The following GNG7 variants were observed in gnomAD, a reference collection of about 807,000 sequenced individuals.
GNG7 encodes guanine nucleotide-binding protein G(I)/G(S)/G(O) subunit gamma-7.
In GNG7, 1 loss-of-function variant was observed where a neutral mutation model predicts 4.0. The ratio of observed to expected loss-of-function variants is 0.25; its 90% CI spans 0.09 to 1.18. The LOEUF (loss-of-function observed/expected upper bound fraction) is 1.18, where lower values mean the gene tolerates loss of function less well. GNG7 is among the 50% of genes most tolerant of loss of function. GNG7 has a pLI of 0.50. For missense variants in GNG7, 86 were observed against 91.9 expected, an observed-to-expected ratio of 0.94 and a Z score of 0.26; for synonymous variants, 34 against 36.9, an observed-to-expected ratio of 0.92 and a Z score of 0.29.
chr19:2,589,360 C>G (rs1436118617), intron 2 of GNG7, among the ~76,000 whole-genome samples: 1 of 140,534 alleles, frequency 7.1e-6, no homozygotes, highest in African/African-American at 2.6e-5. Context: ...GTAGCTGGGA[C>G]TACAGGTGCA....
intron 2 of GNG7, among the ~76,000 whole-genome samples, chr19:2,645,550 T>C (rs571521103): frequency 6.8e-6 from 1 of 146,388 alleles, no homozygotes; most frequent in South Asian, 2.1e-4. Context: ...AAACCCTAAC[T>C]CTTAAAAAAA....
Position 2,618,569 on chromosome 19 carries a change from G to A in GNG7, c.-78+27655C>T, listed in dbSNP as rs572292466. 2.4e-4 allele frequency among the ~76,000 whole-genome samples: 37 copies of A among 151,678 alleles called. No homozygotes were observed. Among genetic ancestry groups the A allele is most frequent in the Middle Eastern group, 3.4e-3 (1 of 294 alleles). ...TCGCCATGTTGTCCAGGCTGGTCTC[G>A]AACTCCTGACCTCAAATGATCCACC... is the stretch of plus-strand genomic sequence containing the variant. On this transcript the variant is annotated intron_variant, in intron 2 of 4. Coordinates refer to ENST00000382159, the MANE Select transcript of GNG7 (RefSeq NM_052847.3). This position sits in a 1 kb window ranked among gnomAD's most constrained non-coding sequence, Gnocchi z 5.1.
rs1343217684 is a variant in GNG7 at position 2,553,933 on chromosome 19, T to C, written c.-38+1216A>G. 7.3e-5 allele frequency among the ~76,000 whole-genome samples: 10 copies of C among 136,586 alleles called. No individual in the cohort carries two copies. In the East Asian group the frequency reaches 7.9e-4, roughly 11 times the overall value. 89.6% of individuals were successfully genotyped at this position (136,586 alleles called of 152,430 possible). ...TGTGCATATTGCATGTAATATATTG[T>C]ATGTAATATATTATATGTAATATAT... On this transcript the variant is annotated intron_variant, in intron 3 of 4. Transcript: ENST00000382159.
Position 2,623,911 on chromosome 19 carries a change from C to T in GNG7, c.-78+22313G>A, listed in dbSNP as rs143294862. Among the ~76,000 whole-genome samples, 996 of 152,180 alleles carry T rather than the reference C, an allele frequency of 6.5e-3. 14 individuals are homozygous for T. Among genetic ancestry groups the T allele is most frequent in the African/African-American group, 0.023 (938 of 41,514 alleles). ...AAAGGACAAATCTTGTGTGACTGCA[C>T]GCCTAGGAGGTCCCTAGAGCCGTCA... On this transcript the variant is annotated intron_variant, in intron 2 of 4. Transcript: ENST00000382159.
At chr19:2,591,215 G>C (rs958916306) in intron 2 of GNG7, among the ~76,000 whole-genome samples, 2 of 152,150 alleles carry the variant, frequency 1.3e-5, no homozygotes. Flanking sequence ...CTGGAAGGCT[G>C]TGTCAACCGA....
chr19:2,624,425 G>A (rs958784230), intron 2 of GNG7, among the ~76,000 whole-genome samples: 2 of 151,420 alleles, frequency 1.3e-5, no homozygotes, highest in African/African-American at 4.9e-5. Context: ...CAGCTACTCC[G>A]GAGGCTGAGG....
At chr19:2,571,176 C>T (rs1406983268) in intron 2 of GNG7, among the ~76,000 whole-genome samples, 1 of 152,074 alleles carries the variant, frequency 6.6e-6, no homozygotes, top group Non-Finnish European at 1.5e-5. Flanking sequence ...GGACTGTCAC[C>T]GATGGAAGCC....
chr19:2,701,802 A>G (rs1441425853), intron 1 of GNG7, among the ~76,000 whole-genome samples: 1 of 149,902 alleles, frequency 6.7e-6, no homozygotes, highest in Non-Finnish European at 1.5e-5. Context: ...CCCCGCTCCA[A>G]TTAACCTCAA....
Position 2,514,843 on chromosome 19 carries a change from C to T in GNG7, c.*179G>A, listed in dbSNP as rs893701293. 3.5e-6 allele frequency: 2 copies of T among 567,104 alleles called. No individual in the cohort carries two copies. Among genetic ancestry groups the T allele is most frequent in the South Asian group, 2.1e-5 (1 of 48,726 alleles). 35.1% of individuals were successfully genotyped at this position (567,104 alleles called of 1,614,324 possible). A position where few individuals can be genotyped will look rare whatever the true frequency, so the allele number is the denominator to read the frequency against. ...CAAGGTCCATTCTACCCCATCCGGG[C>T]GGTGGGAACGCCTTTTTTGGCGGGG... On this transcript the variant is annotated 3_prime_UTR_variant, in exon 5 of 5. Coordinates refer to ENST00000382159, the MANE Select transcript of GNG7 (RefSeq NM_052847.3).
At chr19:2,621,966 T>C (rs1196244049) in intron 2 of GNG7, among the ~76,000 whole-genome samples, 4 of 152,272 alleles carry the variant, frequency 2.6e-5, no homozygotes, top group East Asian at 3.9e-4. Context: ...TCACCTGTTA[T>C]GGCAGCCACA....
intron 2 of GNG7, among the ~76,000 whole-genome samples, chr19:2,570,758 C>A (rs549204710): frequency 1.3e-5 from 2 of 152,266 alleles, no homozygotes; most frequent in South Asian, 4.1e-4. Context: ...ACAATTCACA[C>A]AAGGAAACAA....
intron 1 of GNG7, among the ~76,000 whole-genome samples, chr19:2,700,305 C>G (rs1913369794): frequency 6.6e-6 from 1 of 152,016 alleles, no homozygotes; most frequent in South Asian, 2.1e-4. Flanking sequence ...CTATGCCCAG[C>G]TAATTTTTGA....
chr19:2,665,368 G>GA (rs35864238), intron 1 of GNG7, among the ~76,000 whole-genome samples: 1 of 151,976 alleles, frequency 6.6e-6, no homozygotes, highest in African/African-American at 2.4e-5. Context: ...CCCTGGGGGG[G>GA]GGGGGGCAGG....
intron 4 of GNG7, 70 bp from the exon 5 acceptor site, chr19:2,515,217 C>A: frequency 6.3e-7 from 1 of 1,591,496 alleles, no homozygotes; most frequent in South Asian, 1.1e-5. Flanking sequence ...TTCACAGCAG[C>A]ACCATTCCCA....
intron 2 of GNG7, chr19:2,610,981 G>C (rs1981542408): frequency 1.3e-5 from 1 of 77,258 alleles, no homozygotes; most frequent in Non-Finnish European, 2.6e-5. Context: ...TGGGAGGGGG[G>C]GAACGGGCTC....
chr19:2,680,310 T>A (rs8105793), intron 1 of GNG7, among the ~76,000 whole-genome samples: 2 of 151,532 alleles, frequency 1.3e-5, no homozygotes, highest in Non-Finnish European at 2.9e-5. Context: ...CCACCATGCC[T>A]GGCCAATTTT....
At chr19:2,615,626 C>G (rs1041757745) in intron 2 of GNG7, among the ~76,000 whole-genome samples, 3 of 151,662 alleles carry the variant, frequency 2.0e-5, no homozygotes, top group African/African-American at 7.3e-5. Flanking sequence ...CCACGCCTGG[C>G]TAATTTTTTT....
At chr19:2,522,119 G>C (rs939580444) in intron 3 of GNG7, among the ~76,000 whole-genome samples, 2 of 152,150 alleles carry the variant, frequency 1.3e-5, no homozygotes, top group African/African-American at 4.8e-5. Context: ...TCATGACTTG[G>C]GGGTGCTCCT....
Position 2,598,677 on chromosome 19 carries a change from AAATAATAATAATAAT to A in GNG7, c.-77-43504_-77-43490del, listed in dbSNP as rs56068932. Among the ~76,000 whole-genome samples the A allele has an allele frequency of 4.1e-3, 577 of 141,002 alleles. 2 individuals carry two copies. Among genetic ancestry groups the A allele is most frequent in the Middle Eastern group, 0.015 (4 of 274 alleles). 92.5% of individuals were successfully genotyped at this position (141,002 alleles called of 152,430 possible). A position where few individuals can be genotyped will look rare whatever the true frequency, so the allele number is the denominator to read the frequency against. On this transcript the variant is annotated intron_variant, in intron 2 of 4. Coordinates refer to ENST00000382159, the MANE Select transcript of GNG7 (RefSeq NM_052847.3). ...GTCTCAAAAAAAATGAAAAGTAATA[AAATAATAATAATAAT>A]AATAATAATAATAATAATAATAATA...
Sources: gnomAD v4.1 joint callset for allele counts (sites outside exome capture counted in the v4.1 genomes callset) on GRCh38, gnomAD v4.1.1 for gene constraint, Gnocchi (gnomAD v3.1) non-coding constraint, MANE v1.5 for transcripts, NCBI Gene and HGNC (gene_info 2026-07-23, HGNC 2026-07-21) for gene names.